The following MYCBPAP variants were observed in gnomAD, a reference collection of about 807,000 sequenced individuals.
The protein encoded by MYCBPAP is MYCBP-associated protein.
A neutral mutation model predicts 106.1 loss-of-function variants in MYCBPAP; 60 were observed. The ratio of observed to expected loss-of-function variants is 0.57; its 90% CI spans 0.46 to 0.70. MYCBPAP has a LOEUF of 0.70. Ranked by LOEUF, MYCBPAP falls within the 30% of genes least tolerant of loss-of-function variation. MYCBPAP has a pLI of 0.00. For synonymous variants in MYCBPAP, 407 were observed against 440.6 expected (o/e 0.92, Z 0.95); for missense variants, 1,064 against 1,169.3 (o/e 0.91, Z 1.31).
At position 50,519,014 on chromosome 17, in the gene MYCBPAP, C is replaced by G; in HGVS notation, c.693C>G (p.Thr231=). 1 of 1,614,000 alleles carries G rather than the reference C, an allele frequency of 6.2e-7. No individual in the cohort carries two copies. The highest frequency in any genetic ancestry group is 1.6e-4 in the Middle Eastern group (1 of 6,062). The change falls in exon 6 of 19, where the codon ACC becomes ACG. Residue 231 remains threonine (T), a synonymous_variant. Transcript: ENST00000323776. ...KKPVSELLMH[T]GETYRRIQEE... The stretch of plus-strand genomic sequence containing the variant: ...CAGTGAGTGAGCTGCTCATGCACAC[C>G]GGGGAGACCTACAGACGGATCCAGG...
chr17:50,526,197 C>T lies in MYCBPAP; in HGVS notation c.2099C>T (p.Thr700Ile), dbSNP rs1567895127. Residue 700 changes from threonine to isoleucine, a missense_variant, in exon 14 of 19, where the codon ACC (threonine) becomes ATC (isoleucine). By Grantham distance (89) the Thr-to-Ile change is moderately conservative. Transcript: ENST00000323776. ...LVEESPDVDS[T>I]KSPWEPDGLP... ...GAGGAAAGCCCAGATGTGGACAGCA[C>T]CAAGAGCCCCTGGGAGCCGGATGGC... 6.2e-7 allele frequency: 1 copy of T among 1,613,412 alleles called. No homozygotes were observed. The highest frequency in any genetic ancestry group is 8.5e-7 in the Non-Finnish European group (1 of 1,179,996).
chr17:50,507,916 A>G (rs1006561456), upstream of MYCBPAP, among the ~76,000 whole-genome samples: 1 of 152,216 alleles, frequency 6.6e-6, no homozygotes, highest in Non-Finnish European at 1.5e-5. Context: ...GTGCGTTTAT[A>G]AACTTAAAAT....
In MYCBPAP at chr17:50,512,007, C is replaced by T. The variant is rs568339508; in HGVS notation, c.76+3257C>T. The stretch of plus-strand genomic sequence containing the variant: ...ACAAAGCTGTCATGCCCTGGTTTCC[C>T]TCTCATCCCCAACATCACCACCTCT... On this transcript the variant is annotated intron_variant, in intron 1 of 18. Transcript: ENST00000323776. 5.3e-5 allele frequency among the ~76,000 whole-genome samples: 8 copies of T among 151,790 alleles called. No homozygotes were observed. The South Asian group carries it at 1.5e-3, about 28-fold the overall frequency.
chr17:50,508,970 G>T, intron 1 of MYCBPAP: 2 of 703,648 alleles, frequency 2.8e-6, no homozygotes, highest in Non-Finnish European at 5.2e-6. Context: ...TAGGAAGTGG[G>T]AGACTGACAG....
chr17:50,511,465 CAA>C (rs2033844662), intron 1 of MYCBPAP, among the ~76,000 whole-genome samples: 1 of 152,170 alleles, frequency 6.6e-6, no homozygotes, highest in South Asian at 2.1e-4. Context: ...CAGAATTTCC[CAA>C]AGACTTTAAT....
rs373294622 is a variant in MYCBPAP at position 50,518,742 on chromosome 17, G to A, written c.652+18G>A. On this transcript the variant is annotated intron_variant, in intron 5 of 18. Transcript: ENST00000323776. ...CCTCAGCGGTGAGCAGAGCAGACAGGGCTCCCGCCCGGCCTCCATCTGGCA... is the reference window on the plus strand; with the variant it reads ...CCTCAGCGGTGAGCAGAGCAGACAGAGCTCCCGCCCGGCCTCCATCTGGCA... 386 of 1,557,508 alleles carry A rather than the reference G, an allele frequency of 2.5e-4. No homozygotes were observed. Among genetic ancestry groups the A allele is most frequent in the Non-Finnish European group, 3.0e-4 (349 of 1,155,280 alleles).
intron 1 of MYCBPAP, among the ~76,000 whole-genome samples, chr17:50,515,252 C>T (rs1328690467): frequency 6.6e-6 from 1 of 152,084 alleles, no homozygotes; most frequent in Admixed American, 6.6e-5. Flanking sequence ...GGTTGTTCCC[C>T]CCCACCATGT....
At position 50,518,706 on chromosome 17, in the gene MYCBPAP, C is replaced by T. The variant is rs1407423138; in HGVS notation, c.634C>T (p.Gln212Ter). The change falls in exon 5 of 19, where the codon CAG becomes TAG. Residue 212 changes from glutamine (Q) to a stop codon, truncating the protein, a stop_gained. Transcript: ENST00000323776. LOFTEE classifies it high-confidence loss of function. ...GCGTAACACAGCCCTGCGGAAGAAG[C>T]AGCAGGAAGCCCTCAGCGGTGAGCA... The part of the protein sequence containing the change: ...WQRNTALRKK[Q>*]QEALSEHLKK... 4 of 1,588,238 alleles carry T rather than the reference C, an allele frequency of 2.5e-6. No individual in the cohort carries two copies. Among genetic ancestry groups the T allele is most frequent in the Non-Finnish European group, 3.4e-6 (4 of 1,170,290 alleles).
rs779390890 is a variant in MYCBPAP at position 50,517,649 on chromosome 17, G to T, written c.419G>T (p.Gly140Val). Reference sequence around the variant, plus strand: ...CAGATCCTGCCCCACCACATCTTGGGGAGTCTCCAGGATTTTAAGAGAATT... The same window carrying T: ...CAGATCCTGCCCCACCACATCTTGGTGAGTCTCCAGGATTTTAAGAGAATT... ...SDQILPHHIL[G>V]SLQDFKRIAL... Residue 140 changes from glycine (G) to valine (V), a missense_variant, in exon 4 of 19, where the codon GGG (glycine) becomes GTG (valine). Coordinates refer to ENST00000323776, the MANE Select transcript of MYCBPAP (RefSeq NM_032133.6). The T allele has an allele frequency of 1.2e-6, 2 of 1,614,118 alleles. No individual in the cohort carries two copies. The highest frequency in any genetic ancestry group is 1.7e-5 in the Admixed American group (1 of 60,002).
At chr17:50,527,187 G>C in intron 14 of MYCBPAP, 100 bp from the exon 15 acceptor site, 1 of 1,533,322 alleles carries the variant, frequency 6.5e-7, no homozygotes, top group Non-Finnish European at 8.9e-7. Context: ...TCCCCTCCTG[G>C]TTCCTGGTCC....
In MYCBPAP at chr17:50,519,749, C is replaced by T; in HGVS notation, c.878C>T (p.Thr293Ile). ...KTQRGLMEPI[T>I]HIRKPHSIRV... ...CAGCGTGGCCTCATGGAGCCCATCACTCACATCAGGAAGCCCCACTCCATC... is the reference window on the plus strand; with the variant it reads ...CAGCGTGGCCTCATGGAGCCCATCATTCACATCAGGAAGCCCCACTCCATC... Residue 293 changes from threonine (T) to isoleucine (I), a missense_variant, in exon 7 of 19, where the codon ACT (threonine) becomes ATT (isoleucine). By Grantham distance (89) the Thr-to-Ile change is moderately conservative (BLOSUM62 -1). Coordinates refer to ENST00000323776, the MANE Select transcript of MYCBPAP (RefSeq NM_032133.6). The T allele has an allele frequency of 1.2e-6, 2 of 1,614,092 alleles. No homozygotes were observed. Among genetic ancestry groups the T allele is most frequent in the Non-Finnish European group, 1.7e-6 (2 of 1,180,010 alleles).
intron 13 of MYCBPAP, 32 bp from the exon 14 acceptor site, chr17:50,525,849 C>T (rs766294119): frequency 6.4e-7 from 1 of 1,554,220 alleles, no homozygotes; most frequent in Non-Finnish European, 8.6e-7. Context: ...CCCCAGCCTC[C>T]CCCTCACATG....
chr17:50,525,522 C>T (rs1330406503), intron 13 of MYCBPAP, among the ~76,000 whole-genome samples: 2 of 152,106 alleles, frequency 1.3e-5, no homozygotes, highest in Admixed American at 6.6e-5. Flanking sequence ...GTCATACTGT[C>T]ACACTCCAGG....
chr17:50,519,783 G>A lies in MYCBPAP; in HGVS notation c.912G>A (p.Glu304=). 4 of 1,613,550 alleles carry A rather than the reference G, an allele frequency of 2.5e-6. No homozygotes were observed. Among genetic ancestry groups the A allele is most frequent in the Non-Finnish European group, 2.5e-6 (3 of 1,179,848 alleles). The change falls in exon 7 of 19, where the codon GAG becomes GAA. Residue 304 remains glutamate (E), a synonymous_variant. Transcript: ENST00000323776. ...HIRKPHSIRV[E]TGLPAQRDAS... ...GGAAGCCCCACTCCATCCGGGTGGA[G>A]ACAGGTGAGGCGCAGGGCTGTAAGC...
chr17:50,509,096 A>T, intron 1 of MYCBPAP: 1 of 702,952 alleles, frequency 1.4e-6, no homozygotes, highest in Non-Finnish European at 2.6e-6. Context: ...AAGAGCCAGG[A>T]AAGAGTTTAA....
At chr17:50,520,355 A>G (rs1030362359) in intron 7 of MYCBPAP, 1 of 152,314 alleles carries the variant, frequency 6.6e-6, no homozygotes, top group African/African-American at 2.4e-5. Context: ...AAATGCAAAA[A>G]TTAGCTGGGC....
intron 11 of MYCBPAP, 87 bp downstream of exon 11, chr17:50,523,215 A>C (rs1490291338): frequency 8.9e-6 from 12 of 1,354,106 alleles, no homozygotes; most frequent in Non-Finnish European, 1.2e-5. Flanking sequence ...GTTATGGCCC[A>C]GCTCCTGTAA....
chr17:50,512,234 T>G (rs1455906789), intron 1 of MYCBPAP, among the ~76,000 whole-genome samples: 1 of 152,130 alleles, frequency 6.6e-6, no homozygotes, highest in Non-Finnish European at 1.5e-5. Context: ...TTTTGTATTT[T>G]TAGTAGAGAC....
At chr17:50,529,916 T>C (rs1430107904) in intron 18 of MYCBPAP, 3 of 445,002 alleles carry the variant, frequency 6.7e-6, no homozygotes, top group African/African-American at 2.0e-5. Context: ...GTTTTGTTTG[T>C]TAGTGTTGTT....
Sources: gnomAD v4.1 joint callset for allele counts (sites outside exome capture counted in the v4.1 genomes callset) on GRCh38, gnomAD v4.1.1 for gene constraint, MANE v1.5 for transcripts, NCBI Gene and HGNC (gene_info 2026-07-23, HGNC 2026-07-21) for gene names.